L3MBTL4: variants seen among roughly 807,000 people sequenced by gnomAD.
L3MBTL4 encodes L3MBTL histone methyl-lysine binding protein 4.
In L3MBTL4, 70 loss-of-function variants were observed where a neutral mutation model predicts 84.5. That is an observed-to-expected ratio of 0.83 (90% CI 0.68 to 1.01). The LOEUF is 1.01. Ranked by LOEUF, L3MBTL4 falls within the 50% of genes least tolerant of loss-of-function variation. The pLI is 0.00. For synonymous variants in L3MBTL4, 274 were observed against 259.8 expected (o/e 1.05, Z -0.52); for missense variants, 715 against 754.8 (o/e 0.95, Z 0.62).
At chr18:6,307,125 G>T (rs183239375) in intron 3 of L3MBTL4, among the ~76,000 whole-genome samples, 15 of 151,970 alleles carry the variant, frequency 9.9e-5, no homozygotes, top group Admixed American at 3.9e-4. Flanking sequence ...AGAGCATCTA[G>T]ATGTTAATAT....
intron 12 of L3MBTL4, among the ~76,000 whole-genome samples, chr18:6,198,530 C>G (rs922587927): frequency 1.4e-4 from 21 of 152,246 alleles, no homozygotes; most frequent in Middle Eastern, 6.8e-3. Context: ...GATCTAAAGA[C>G]GTTAATTTCT....
chr18:6,007,080 AC>A (rs2054521049), intron 16 of L3MBTL4, among the ~76,000 whole-genome samples: 1 of 152,158 alleles, frequency 6.6e-6, no homozygotes, highest in South Asian at 2.1e-4. Context: ...AAAATGGTAA[AC>A]AAGGGCAACT....
At chr18:6,031,695 G>C in intron 16 of L3MBTL4, 1 of 985,424 alleles carries the variant, frequency 1.0e-6, no homozygotes, top group Non-Finnish European at 1.2e-6. Context: ...GCCCCAGCAC[G>C]GCTTCATGGG....
In L3MBTL4 at chr18:6,288,526, T is replaced by A. The variant is rs994476360; in HGVS notation, c.127+13377A>T. Among the ~76,000 whole-genome samples the A allele has an allele frequency of 1.3e-5, 2 of 152,202 alleles. 1 individual carries two copies. The highest frequency in any genetic ancestry group is 4.8e-5 in the African/African-American group (2 of 41,474). On this transcript the variant is annotated intron_variant, in intron 4 of 18. Coordinates refer to ENST00000317931, the MANE Select transcript of L3MBTL4 (RefSeq NM_001330559.2). ...ACATCTGCTAAATGTTTTAAGGTCATGAACCTATGAACCCAGCCTAAAACA... is the reference window on the plus strand; with the variant it reads ...ACATCTGCTAAATGTTTTAAGGTCAAGAACCTATGAACCCAGCCTAAAACA...
chr18:5,984,575 G>T (rs548677347), intron 16 of L3MBTL4, among the ~76,000 whole-genome samples: 20 of 152,010 alleles, frequency 1.3e-4, no homozygotes, highest in Non-Finnish European at 1.9e-4. Flanking sequence ...TATTTTTTTG[G>T]GGGGGAAGCT....
intron 5 of L3MBTL4, among the ~76,000 whole-genome samples, chr18:6,245,325 T>C (rs1477989582): frequency 6.6e-6 from 1 of 152,188 alleles, no homozygotes; most frequent in African/African-American, 2.4e-5. Context: ...TTTGAAATAG[T>C]ACCTCCATGA....
chr18:6,022,814 TC>T (rs534099109), intron 16 of L3MBTL4, among the ~76,000 whole-genome samples: 145 of 152,328 alleles, frequency 9.5e-4, no homozygotes, highest in African/African-American at 3.3e-3. Context: ...CTTTTATGTA[TC>T]AAGAAGTATC....
At chr18:6,038,383 A>G (rs1358615617) in intron 16 of L3MBTL4, among the ~76,000 whole-genome samples, 1 of 150,744 alleles carries the variant, frequency 6.6e-6, no homozygotes, top group African/African-American at 2.4e-5. Flanking sequence ...CCTCCGGAGT[A>G]GTTGGGACTA....
intron 1 of L3MBTL4, among the ~76,000 whole-genome samples, chr18:6,318,759 A>T (rs142264173): frequency 6.6e-6 from 1 of 152,190 alleles, no homozygotes; most frequent in East Asian, 1.9e-4. Flanking sequence ...ATGAAATTAA[A>T]CTACATGATA....
chr18:5,967,219 G>T (rs1182412492), intron 17 of L3MBTL4, among the ~76,000 whole-genome samples: 1 of 152,152 alleles, frequency 6.6e-6, no homozygotes, highest in African/African-American at 2.4e-5. Context: ...TTTCCTCTGT[G>T]CCCAGGGCCA....
intron 7 of L3MBTL4, among the ~76,000 whole-genome samples, chr18:6,243,004 G>T (rs28497872): frequency 0.028 from 4,323 of 152,072 alleles, 199 homozygotes; most frequent in African/African-American, 0.097. Context: ...TGCTTATAAG[G>T]TTTAATAAAC....
At chr18:6,203,614 G>A (rs747237597) in intron 12 of L3MBTL4, among the ~76,000 whole-genome samples, 165 of 152,126 alleles carry the variant, frequency 1.1e-3, no homozygotes, top group Non-Finnish European at 2.1e-3. Context: ...GTGGAGAAAG[G>A]TATTACAAAC....
intron 1 of L3MBTL4, among the ~76,000 whole-genome samples, chr18:6,393,394 G>A (rs1031264324): frequency 2.0e-5 from 3 of 152,140 alleles, no homozygotes; most frequent in African/African-American, 7.2e-5. Flanking sequence ...GAGCATGAGT[G>A]GTGACACAGG....
At chr18:6,244,916 A>T (rs1342924984) in intron 5 of L3MBTL4, among the ~76,000 whole-genome samples, 1 of 152,190 alleles carries the variant, frequency 6.6e-6, no homozygotes, top group East Asian at 1.9e-4. Flanking sequence ...TTTGTCAAAA[A>T]CATAAATCAA....
intron 16 of L3MBTL4, among the ~76,000 whole-genome samples, chr18:6,072,865 C>CAAAAAAAAAAAA (rs71370542): frequency 1.6e-3 from 5 of 3,066 alleles, no homozygotes; most frequent in African/African-American, 5.0e-3. Flanking sequence ...GACTCCGTCT[C>CAAAAAAAAAAAA]AAAAAAAAAA....
At position 6,307,994 on chromosome 18, in the gene L3MBTL4, G is replaced by A. The variant is rs1013920114; in HGVS notation, c.72+3560C>T. Among the ~76,000 whole-genome samples the A allele has an allele frequency of 6.6e-5, 10 of 152,168 alleles. No homozygotes were observed. The East Asian group carries it at 1.4e-3, about 21-fold the overall frequency. ...TATTTTGGGGTTTTGTGCGCAGAAC[G>A]CTTACATACACACTAGACATCAATG... On this transcript the variant is annotated intron_variant, in intron 3 of 18. Transcript: ENST00000317931.
At chr18:6,016,113 C>T (rs1389769442) in intron 16 of L3MBTL4, among the ~76,000 whole-genome samples, 4 of 152,164 alleles carry the variant, frequency 2.6e-5, no homozygotes, top group African/African-American at 9.7e-5. Flanking sequence ...GGGAAATACT[C>T]CAGGTGGAGC....
intron 12 of L3MBTL4, among the ~76,000 whole-genome samples, chr18:6,175,148 A>G (rs2044169683): frequency 6.6e-6 from 1 of 152,196 alleles, no homozygotes; most frequent in Non-Finnish European, 1.5e-5. Flanking sequence ...ACCACTGAAA[A>G]TGAAAGCTAA....
chr18:6,282,509 GA>G (rs1264579190), intron 4 of L3MBTL4, among the ~76,000 whole-genome samples: 2 of 152,102 alleles, frequency 1.3e-5, no homozygotes, highest in Admixed American at 1.3e-4. Flanking sequence ...TCCACGGCAG[GA>G]CCTCAAATAA....
Sources: gnomAD v4.1 joint callset for allele counts (sites outside exome capture counted in the v4.1 genomes callset) on GRCh38, gnomAD v4.1.1 for gene constraint, MANE v1.5 for transcripts, NCBI Gene and HGNC (gene_info 2026-07-23, HGNC 2026-07-21) for gene names.